The following AMMECR1 variants were observed in gnomAD, a reference collection of about 807,000 sequenced individuals.
AMMECR1 encodes the protein nuclear protein AMMECR1.
AMMECR1 carries 3 observed loss-of-function variants against 22.5 expected under a neutral mutation model. That is an observed-to-expected ratio of 0.13 (90% confidence interval 0.06 to 0.35). AMMECR1 has a LOEUF of 0.35. Ranked by LOEUF, AMMECR1 falls within the 10% of genes least tolerant of loss-of-function variation. AMMECR1 has a pLI of 1.00. For missense variants in AMMECR1, 235 were observed against 278.7 expected (o/e 0.84, Z 1.12); for synonymous variants, 130 against 116.7 (o/e 1.11, Z -0.74).
chrX:110,421,973 TG>T (rs1459853467), intron 2 of AMMECR1, among the ~76,000 whole-genome samples: 1 of 113,256 alleles, frequency 8.8e-6, no homozygotes, highest in African/African-American at 3.2e-5. Context: ...TAGCTCTAAC[TG>T]CTTTGCCTTC....
chrX:110,432,883 T>A (rs1394731305), intron 1 of AMMECR1, among the ~76,000 whole-genome samples: 1 of 112,869 alleles, frequency 8.9e-6, no homozygotes, highest in Non-Finnish European at 1.9e-5. Flanking sequence ...ATGTCATGCA[T>A]CCTCAGACGC....
chrX:110,409,787 C>T (rs2068628988), intron 2 of AMMECR1, among the ~76,000 whole-genome samples: 1 of 111,452 alleles, frequency 9.0e-6, no homozygotes, highest in African/African-American at 3.3e-5. Flanking sequence ...AATGGGCTCC[C>T]ACTTAGCAAG....
intron 2 of AMMECR1, among the ~76,000 whole-genome samples, chrX:110,255,934 G>T (rs2067709051): frequency 8.9e-6 from 1 of 111,910 alleles, no homozygotes; most frequent in South Asian, 3.7e-4. Context: ...TTCACTTTCA[G>T]ATTTTAAATA....
At chrX:110,360,663 G>A (rs1255169389) in intron 2 of AMMECR1, among the ~76,000 whole-genome samples, 1 of 111,621 alleles carries the variant, frequency 9.0e-6, no homozygotes, top group Non-Finnish European at 1.9e-5. Context: ...AAGATAGAGA[G>A]CCCAGGAGAA....
intron 2 of AMMECR1, among the ~76,000 whole-genome samples, chrX:110,332,420 C>T (rs1443475325): frequency 1.8e-5 from 2 of 111,251 alleles, no homozygotes; most frequent in Non-Finnish European, 3.8e-5. Flanking sequence ...TGTGTGTGTT[C>T]AATAAATACA....
At chrX:110,279,900 TA>T (rs1387359236) in intron 1 of AMMECR1, among the ~76,000 whole-genome samples, 4 of 111,660 alleles carry the variant, frequency 3.6e-5, no homozygotes, top group Admixed American at 9.5e-5. Context: ...GAAAATAAGA[TA>T]AAACCCTTCA....
chrX:110,335,732 A>G (rs2068138706), intron 2 of AMMECR1, among the ~76,000 whole-genome samples: 2 of 112,030 alleles, frequency 1.8e-5, no homozygotes. Context: ...CATCAGCTCC[A>G]AAGCCCTATC....
intron 2 of AMMECR1, among the ~76,000 whole-genome samples, chrX:110,327,869 T>C (rs1178909976): frequency 9.0e-6 from 1 of 111,549 alleles, no homozygotes; most frequent in East Asian, 2.8e-4. Flanking sequence ...CCACAAAGCA[T>C]CGATTATTAT....
chrX:110,282,896 T>C (rs2067860107), intron 1 of AMMECR1, among the ~76,000 whole-genome samples: 1 of 111,783 alleles, frequency 8.9e-6, no homozygotes, highest in Non-Finnish European at 1.9e-5. Context: ...AAGATTGGTT[T>C]ACTTGCCCAA....
At chrX:110,203,963 T>TTAGCAGAAAGAG (rs2067409632) in intron 3 of AMMECR1, among the ~76,000 whole-genome samples, 1 of 111,847 alleles carries the variant, frequency 8.9e-6, no homozygotes, top group Non-Finnish European at 1.9e-5. Flanking sequence ...TACGAATCTC[T>TTAGCAGAAAGAG]TTCTGCTAAA....
chrX:110,207,119 C>T (rs1220254071), intron 3 of AMMECR1, among the ~76,000 whole-genome samples: 1 of 111,434 alleles, frequency 9.0e-6, no homozygotes, highest in African/African-American at 3.3e-5. Context: ...GCTGGTATCA[C>T]AGAAGGAATG....
At chrX:110,215,180 C>A (rs767319625) in intron 3 of AMMECR1, among the ~76,000 whole-genome samples, 1 of 111,774 alleles carries the variant, frequency 8.9e-6, no homozygotes, top group Non-Finnish European at 1.9e-5. Flanking sequence ...TTGCAAAAAT[C>A]CTAAGATGTG....
intron 2 of AMMECR1, among the ~76,000 whole-genome samples, chrX:110,355,874 T>C (rs1349420585): frequency 1.8e-5 from 2 of 111,671 alleles, no homozygotes; most frequent in Non-Finnish European, 3.8e-5. Flanking sequence ...ATGTAATACC[T>C]ATACACGATG....
chrX:110,200,820 A>G (rs1361405158), intron 5 of AMMECR1, 134 bp downstream of exon 5: 1 of 470,644 alleles, frequency 2.1e-6, no homozygotes, highest in Admixed American at 3.1e-5. Context: ...CACCCTCAGT[A>G]TGACCCTGCC....
intron 2 of AMMECR1, among the ~76,000 whole-genome samples, chrX:110,344,338 T>C (rs1313618789): frequency 8.9e-6 from 1 of 112,023 alleles, no homozygotes; most frequent in African/African-American, 3.3e-5. Flanking sequence ...TATACAAAAA[T>C]TAATTCAAGA....
At chrX:110,256,143 G>A (rs1198011534) in intron 2 of AMMECR1, among the ~76,000 whole-genome samples, 1 of 111,768 alleles carries the variant, frequency 8.9e-6, no homozygotes, top group African/African-American at 3.2e-5. Flanking sequence ...AACGTACCTA[G>A]GCTATATGAT....
At chrX:110,391,256 C>T (rs980800083) in intron 2 of AMMECR1, among the ~76,000 whole-genome samples, 5 of 111,553 alleles carry the variant, frequency 4.5e-5, no homozygotes, top group Non-Finnish European at 9.4e-5. Context: ...CAATTCTGAG[C>T]TACAATTGAG....
chrX:110,299,667 A>G (rs186266618), intron 1 of AMMECR1, among the ~76,000 whole-genome samples: 284 of 111,820 alleles, frequency 2.5e-3, no homozygotes, highest in Middle Eastern at 4.6e-3. Flanking sequence ...TCATCTTATA[A>G]TTGAAAGTTT....
chrX:110,357,778 G>A (rs1476222593), intron 2 of AMMECR1, among the ~76,000 whole-genome samples: 1 of 111,689 alleles, frequency 9.0e-6, no homozygotes, highest in African/African-American at 3.3e-5. Context: ...TGGGTGCAGG[G>A]CATGTTTCTA....
Sources: allele counts gnomAD v4.1 joint callset (sites outside exome capture counted in the v4.1 genomes callset), GRCh38; gene constraint gnomAD v4.1.1; transcripts MANE v1.5; gene names NCBI Gene and HGNC (gene_info 2026-07-23, HGNC 2026-07-21).